The following CHIA variants were observed in gnomAD, a reference collection of about 807,000 sequenced individuals.
The protein encoded by CHIA is acidic mammalian chitinase.
CHIA carries 47 observed loss-of-function variants against 53.5 expected under a neutral mutation model. The ratio of observed to expected loss-of-function variants is 0.88; its 90% CI spans 0.70 to 1.12. CHIA has a LOEUF of 1.12. Ranked by LOEUF, CHIA falls within the 50% of genes most tolerant of loss-of-function variation. The pLI, the probability that CHIA is intolerant of heterozygous loss-of-function variation, is 0.00. For missense variants in CHIA, 652 were observed against 592.2 expected, an observed-to-expected ratio of 1.10 and a Z score of -1.05; for synonymous variants, 268 against 222.2, an observed-to-expected ratio of 1.21 and a Z score of -1.83.
chr1:111,316,500 T>C (rs771444585), intron 6 of CHIA: 6 of 152,200 alleles, frequency 3.9e-5, no homozygotes, highest in Non-Finnish European at 7.3e-5. Flanking sequence ...GGAGATCAAC[T>C]GGAAATAGGA....
chr1:111,303,791 T>G (rs529425089), intron 1 of CHIA, among the ~76,000 whole-genome samples: 1 of 152,294 alleles, frequency 6.6e-6, no homozygotes, highest in South Asian at 2.1e-4. Flanking sequence ...GTTACAATAA[T>G]ACTAGCTTTT....
At chr1:111,291,171 A>T (rs554572420) in intron 1 of CHIA, among the ~76,000 whole-genome samples, 27 of 152,282 alleles carry the variant, frequency 1.8e-4, no homozygotes, top group African/African-American at 6.0e-4. Context: ...TTTTATACCC[A>T]AAGGGATATA....
rs749286401 is a variant in CHIA at position 111,319,141 on chromosome 1, G to C, written c.937G>C (p.Gly313Arg). ...YYEICTFLKN[G>R]ATQGWDAPQE... ...AAAGATCTGTACCTTCCTGAAAAAT[G>C]GAGCCACTCAGGGATGGGATGCCCC... The change falls in exon 10 of 12, where the codon GGA (glycine) becomes CGA (arginine). Residue 313 changes from glycine to arginine, a missense_variant. By Grantham distance (125) the Gly-to-Arg change is moderately radical. Coordinates refer to ENST00000369740, the MANE Select transcript of CHIA (RefSeq NM_201653.4). 2 of 1,613,506 alleles carry C rather than the reference G, an allele frequency of 1.2e-6. No individual in the cohort carries two copies. Among genetic ancestry groups the C allele is most frequent in the South Asian group, 2.2e-5 (2 of 91,070 alleles).
At chr1:111,298,358 A>G (rs1647383872) in intron 1 of CHIA, among the ~76,000 whole-genome samples, 1 of 152,224 alleles carries the variant, frequency 6.6e-6, no homozygotes, top group Admixed American at 6.5e-5. Context: ...AGCACTCCTC[A>G]GCAAATGTAA....
At chr1:111,300,190 C>A (rs925788851) in intron 1 of CHIA, among the ~76,000 whole-genome samples, 1 of 152,084 alleles carries the variant, frequency 6.6e-6, no homozygotes, top group African/African-American at 2.4e-5. Context: ...CCATCCCCAT[C>A]CAGCTACCAA....
intron 1 of CHIA, among the ~76,000 whole-genome samples, chr1:111,294,466 T>G (rs1397114861): frequency 6.6e-6 from 1 of 152,234 alleles, no homozygotes; most frequent in Non-Finnish European, 1.5e-5. Flanking sequence ...GTGTGGAATC[T>G]TTAGGGTTTT....
Position 111,290,872 on chromosome 1 carries a change from C to T in CHIA, c.-147C>T, listed in dbSNP as rs532759172. On this transcript the variant is annotated 5_prime_UTR_variant, in exon 1 of 12. Transcript: ENST00000369740. ...GTGCCAAAGCTTCATGAAACCTCCT[C>T]GTCTGTGCACGAACAGGTGGCCGAC... 3 of 467,074 alleles carry T rather than the reference C, an allele frequency of 6.4e-6. No homozygotes were observed. The highest frequency in any genetic ancestry group is 4.8e-5 in the Admixed American group (2 of 41,752). 28.9% of individuals were successfully genotyped at this position (467,074 alleles called of 1,614,324 possible).
chr1:111,304,454 C>T (rs1263349670), intron 1 of CHIA, among the ~76,000 whole-genome samples: 1 of 152,096 alleles, frequency 6.6e-6, no homozygotes, highest in Non-Finnish European at 1.5e-5. Flanking sequence ...GTTCCTCAAA[C>T]TTAATAATTT....
intron 1 of CHIA, among the ~76,000 whole-genome samples, chr1:111,300,888 A>G (rs1039137258): frequency 6.6e-6 from 1 of 152,230 alleles, no homozygotes; most frequent in African/African-American, 2.4e-5. Flanking sequence ...TTACAAGAAA[A>G]AAACAAACAA....
chr1:111,300,876 A>C (rs1647666178), intron 1 of CHIA, among the ~76,000 whole-genome samples: 1 of 152,212 alleles, frequency 6.6e-6, no homozygotes, highest in Admixed American at 6.5e-5. Flanking sequence ...ACTTAAACAA[A>C]TTTACAAGAA....
In CHIA at chr1:111,312,318, C is replaced by T; in HGVS notation, c.184C>T (p.Gln62Ter). Residue 62 changes from glutamine (Q) to a stop codon, truncating the protein, a stop_gained, in exon 4 of 12, where the codon CAG becomes TAG. Transcript: ENST00000369740. LOFTEE classifies it high-confidence loss of function. ...CCTGATCTACGCCTTTGCTGGGAGG[C>T]AGAACAACGAGATCACCACCATCGA... ...THLIYAFAGRQNNEITTIEWN... is the reference protein window; with the variant it reads ...THLIYAFAGR 1 of 1,614,014 alleles carries T rather than the reference C, an allele frequency of 6.2e-7. No individual in the cohort carries two copies. Among genetic ancestry groups the T allele is most frequent in the Non-Finnish European group, 8.5e-7 (1 of 1,179,952 alleles).
At chr1:111,319,921 A>C (rs1649521730) in intron 11 of CHIA, among the ~76,000 whole-genome samples, 1 of 152,188 alleles carries the variant, frequency 6.6e-6, no homozygotes, top group Non-Finnish European at 1.5e-5. Flanking sequence ...TTATGCCCAG[A>C]TTCTAGAAAA....
chr1:111,304,990 C>G (rs1648064050), intron 1 of CHIA, among the ~76,000 whole-genome samples: 1 of 152,120 alleles, frequency 6.6e-6, no homozygotes, highest in Admixed American at 6.5e-5. Context: ...CCTCAAACTA[C>G]TGAGTTCAAA....
At chr1:111,317,901 G>A in intron 7 of CHIA, 85 bp from the exon 8 acceptor site, 3 of 1,610,190 alleles carry the variant, frequency 1.9e-6, no homozygotes, top group South Asian at 2.2e-5. Flanking sequence ...ACCTTGTTTA[G>A]GAGACTTTAG....
At chr1:111,319,899 T>C (rs1271164376) in intron 11 of CHIA, among the ~76,000 whole-genome samples, 1 of 152,246 alleles carries the variant, frequency 6.6e-6, no homozygotes, top group African/African-American at 2.4e-5. Flanking sequence ...CTAGAATTTA[T>C]TTGTTCACCA....
At chr1:111,311,613 C>A in intron 2 of CHIA, 76 bp from the exon 3 acceptor site, 4 of 1,521,608 alleles carry the variant, frequency 2.6e-6, no homozygotes, top group Non-Finnish European at 2.7e-6. Context: ...AATTGGAAGG[C>A]AATCAATCCT....
chr1:111,319,251 C>T lies in CHIA; in HGVS notation c.1035+12C>T. On this transcript the variant is annotated intron_variant, in intron 10 of 11. Coordinates refer to ENST00000369740, the MANE Select transcript of CHIA (RefSeq NM_201653.4). Reference sequence around the variant, plus strand: ...GCTTCGATATTAAGGTAAGATCAGTCCCTTAAATGTGCTGAGGTCCCAGCC... The same window carrying T: ...GCTTCGATATTAAGGTAAGATCAGTTCCTTAAATGTGCTGAGGTCCCAGCC... The T allele has an allele frequency of 6.2e-7, 1 of 1,614,154 alleles. No homozygotes were observed. Among genetic ancestry groups the T allele is most frequent in the South Asian group, 1.1e-5 (1 of 91,074 alleles).
rs1303343353 is a variant in CHIA, at chr1:111,312,351, G to T, written c.217G>T (p.Asp73Tyr). 2 of 1,614,054 alleles carry T rather than the reference G, an allele frequency of 1.2e-6. No homozygotes were observed. The highest frequency in any genetic ancestry group is 1.7e-5 in the Admixed American group (1 of 59,996). The change falls in exon 4 of 12, where the codon GAT becomes TAT. Residue 73 changes from aspartate to tyrosine, a missense_variant. By Grantham distance (160) the Asp-to-Tyr change is radical. Transcript: ENST00000369740. ...CGAGATCACCACCATCGAATGGAATGATGTGACTCTCTACCAAGCTTTCAA... is the reference window on the plus strand; with the variant it reads ...CGAGATCACCACCATCGAATGGAATTATGTGACTCTCTACCAAGCTTTCAA... ...NNEITTIEWNDVTLYQAFNGL... is the reference protein window; with the variant it reads ...NNEITTIEWNYVTLYQAFNGL...
At chr1:111,319,744 A>G (rs1195745515) in intron 11 of CHIA, among the ~76,000 whole-genome samples, 2 of 152,190 alleles carry the variant, frequency 1.3e-5, no homozygotes, top group Non-Finnish European at 2.9e-5. Flanking sequence ...ACATCAATAT[A>G]AGTATCTGCT....
Sources: allele counts gnomAD v4.1 joint callset (sites outside exome capture counted in the v4.1 genomes callset), GRCh38; gene constraint gnomAD v4.1.1; transcripts MANE v1.5; gene names NCBI Gene and HGNC (gene_info 2026-07-23, HGNC 2026-07-21).